ZFPM2: variants seen among roughly 807,000 people sequenced by gnomAD.
The protein encoded by ZFPM2 is zinc finger protein, FOG family member 2, also known as zinc finger protein ZFPM2.
ZFPM2 carries 20 observed loss-of-function variants against 98.6 expected under a neutral mutation model. That is an observed-to-expected ratio of 0.20 (90% CI 0.14 to 0.29). The LOEUF is 0.29. Ranked by LOEUF, ZFPM2 falls within the 10% of genes least tolerant of loss-of-function variation. The pLI, the probability that ZFPM2 is intolerant of heterozygous loss-of-function variation, is 1.00. For missense variants in ZFPM2, 1,310 were observed against 1,388.6 expected (o/e 0.94, Z 0.90); for synonymous variants, 518 against 502.7 (o/e 1.03, Z -0.41).
In ZFPM2 at chr8:105,634,181, GTTA is replaced by G. The variant is rs551040671; in HGVS notation, c.421-59_421-57del. Reference sequence around the variant, plus strand: ...TTGTAAAAATAAAATGATTAGTACAGTTATTATTCAAGTTTTTAATCAACGGAA... The same window carrying G: ...TTGTAAAAATAAAATGATTAGTACAGTTATTCAAGTTTTTAATCAACGGAA... On this transcript the variant is annotated intron_variant, in intron 4 of 7. Coordinates refer to ENST00000407775, the MANE Select transcript of ZFPM2 (RefSeq NM_012082.4). 3.3e-5 allele frequency: 40 copies of G among 1,207,526 alleles called. No homozygotes were observed. The African/African-American group carries it at 4.4e-4, about 13-fold the overall frequency. The allele number at this position is 1,207,526 out of a possible 1,614,324, so 74.8% of individuals were successfully genotyped here.
At chr8:105,522,037 A>G (rs568024676) in intron 3 of ZFPM2, among the ~76,000 whole-genome samples, 2 of 152,372 alleles carry the variant, frequency 1.3e-5, no homozygotes, top group South Asian at 4.1e-4. Flanking sequence ...ATATTGTTTC[A>G]TGCATGTGTA....
chr8:105,589,897 T>G (rs1586483382), intron 4 of ZFPM2, among the ~76,000 whole-genome samples: 2 of 74,542 alleles, frequency 2.7e-5, no homozygotes, highest in South Asian at 1.2e-3. Context: ...AATTTTTGTA[T>G]TTTTTAGTAG....
chr8:105,611,183 G>A (rs1187627909), intron 4 of ZFPM2, among the ~76,000 whole-genome samples: 1 of 151,976 alleles, frequency 6.6e-6, no homozygotes, highest in Non-Finnish European at 1.5e-5. Flanking sequence ...ATTCTGCAGT[G>A]ATCAAATATT....
Position 105,337,327 on chromosome 8 carries a change from A to G in ZFPM2, c.40+18346A>G, listed in dbSNP as rs111621664. Among the ~76,000 whole-genome samples the G allele has an allele frequency of 9.4e-3, 1,424 of 151,886 alleles. 20 individuals carry two copies. Among genetic ancestry groups the G allele is most frequent in the African/African-American group, 0.033 (1,358 of 41,476 alleles). On this transcript the variant is annotated intron_variant, in intron 1 of 7. Coordinates refer to ENST00000407775, the MANE Select transcript of ZFPM2 (RefSeq NM_012082.4). ...TCTAAACATTTTGCTACTGGGTTAA[A>G]ATTGATAATAGATATTTTTAGTCTC...
At chr8:105,327,923 G>A (rs927636821) in intron 1 of ZFPM2, among the ~76,000 whole-genome samples, 10 of 151,660 alleles carry the variant, frequency 6.6e-5, no homozygotes, top group African/African-American at 1.7e-4. Flanking sequence ...TAAATGCCAT[G>A]GACTGGTAAG....
At chr8:105,447,742 A>G (rs1326829692) in intron 3 of ZFPM2, among the ~76,000 whole-genome samples, 1 of 152,074 alleles carries the variant, frequency 6.6e-6, no homozygotes, top group Non-Finnish European at 1.5e-5. Flanking sequence ...GTCATTTAAG[A>G]TGGATCAGGA....
At chr8:105,502,651 A>G (rs984538559) in intron 3 of ZFPM2, among the ~76,000 whole-genome samples, 8 of 152,242 alleles carry the variant, frequency 5.3e-5, no homozygotes, top group Non-Finnish European at 7.3e-5. Context: ...GTGAAGAGCA[A>G]ATTGTGCTAG....
intron 5 of ZFPM2, among the ~76,000 whole-genome samples, chr8:105,706,877 G>A (rs577910662): frequency 1.3e-4 from 20 of 152,270 alleles, no homozygotes; most frequent in Admixed American, 1.2e-3. Context: ...ACCACGCCCT[G>A]CCCCTCTTGG....
intron 1 of ZFPM2, among the ~76,000 whole-genome samples, chr8:105,405,468 C>T (rs1371136549): frequency 6.8e-6 from 1 of 146,486 alleles, no homozygotes; most frequent in African/African-American, 2.5e-5. Context: ...TGTGATGTTC[C>T]CCTTCCTGTG....
chr8:105,545,242 A>C (rs1563710961), intron 3 of ZFPM2, among the ~76,000 whole-genome samples: 1 of 152,122 alleles, frequency 6.6e-6, no homozygotes, highest in African/African-American at 2.4e-5. Context: ...AACACTGCCA[A>C]TTTTCCCATC....
At chr8:105,476,104 A>G (rs1813007366) in intron 3 of ZFPM2, among the ~76,000 whole-genome samples, 1 of 152,174 alleles carries the variant, frequency 6.6e-6, no homozygotes, top group South Asian at 2.1e-4. Flanking sequence ...GCCACGAACT[A>G]CTATTTGGTA....
intron 3 of ZFPM2, among the ~76,000 whole-genome samples, chr8:105,534,046 T>C (rs147133698): frequency 7.3e-4 from 17 of 23,270 alleles, no homozygotes; most frequent in Non-Finnish European, 9.3e-4. Flanking sequence ...CTCCCTCCCT[T>C]CCTCCCTTCC....
At chr8:105,769,377 G>C (rs1024000605) in intron 5 of ZFPM2, among the ~76,000 whole-genome samples, 2 of 151,930 alleles carry the variant, frequency 1.3e-5, no homozygotes, top group Non-Finnish European at 2.9e-5. Context: ...AGGTCCCTTC[G>C]AGGCTTTACT....
intron 3 of ZFPM2, among the ~76,000 whole-genome samples, chr8:105,502,493 G>A (rs1367355998): frequency 2.0e-5 from 3 of 151,954 alleles, no homozygotes; most frequent in African/African-American, 7.2e-5. Context: ...AGAAAAGAAG[G>A]AGAAGAAGAA....
At chr8:105,663,938 C>G (rs1390344374) in intron 5 of ZFPM2, among the ~76,000 whole-genome samples, 1 of 152,194 alleles carries the variant, frequency 6.6e-6, no homozygotes, top group Non-Finnish European at 1.5e-5. Context: ...AACACCCCCA[C>G]TTGAAATTTC....
intron 1 of ZFPM2, among the ~76,000 whole-genome samples, chr8:105,390,628 CAG>C (rs1305333821): frequency 6.6e-6 from 1 of 152,176 alleles, no homozygotes; most frequent in Non-Finnish European, 1.5e-5. Context: ...CTTTGAAAGA[CAG>C]AGACATTCCT....
At chr8:105,565,793 A>G (rs370822873) in intron 4 of ZFPM2, among the ~76,000 whole-genome samples, 28 of 152,306 alleles carry the variant, frequency 1.8e-4, no homozygotes, top group African/African-American at 6.0e-4. Context: ...AACACTATAA[A>G]CCTTGGCGTT....
intron 3 of ZFPM2, among the ~76,000 whole-genome samples, chr8:105,540,649 A>G (rs775409685): frequency 6.6e-6 from 1 of 152,128 alleles, no homozygotes; most frequent in Non-Finnish European, 1.5e-5. Flanking sequence ...TGCTCAGTCC[A>G]CTTAAAACAA....
intron 5 of ZFPM2, chr8:105,787,201 C>T (rs1366250965): frequency 1.3e-5 from 2 of 152,096 alleles, no homozygotes; most frequent in African/African-American, 4.8e-5. Context: ...CCTCTGATTT[C>T]GACATGATAT....
Sources: allele counts gnomAD v4.1 joint callset (sites outside exome capture counted in the v4.1 genomes callset), GRCh38; gene constraint gnomAD v4.1.1; transcripts MANE v1.5; gene names NCBI Gene and HGNC (gene_info 2026-07-23, HGNC 2026-07-21).